GOSR2: variants seen among roughly 807,000 people sequenced by gnomAD.
GOSR2 encodes the protein 27 kDa Golgi SNARE protein.
In GOSR2, 20 loss-of-function variants were observed where a neutral mutation model predicts 27.9. The ratio of observed to expected loss-of-function variants is 0.72; its 90% CI spans 0.50 to 1.04. The LOEUF (loss-of-function observed/expected upper bound fraction) is 1.04. Ranked by LOEUF, GOSR2 falls within the 50% of genes least tolerant of loss-of-function variation. GOSR2 has a pLI of 0.00. For synonymous variants in GOSR2, 91 were observed against 98.8 expected (o/e 0.92, Z 0.47); for missense variants, 261 against 270.5 (o/e 0.97, Z 0.25).
chr17:46,956,163 G>C (rs1447691430), intron 6 of GOSR2, among the ~76,000 whole-genome samples: 2 of 151,570 alleles, frequency 1.3e-5, no homozygotes, highest in African/African-American at 4.9e-5. Flanking sequence ...CATAAAGCTA[G>C]TTCTGGATCA....
chr17:46,961,873 A>G (rs2147302515), intron 6 of GOSR2, among the ~76,000 whole-genome samples: 2 of 152,356 alleles, frequency 1.3e-5, no homozygotes, highest in South Asian at 4.1e-4. Context: ...ACACAGGAGA[A>G]ACAGAAACAT....
intron 6 of GOSR2, chr17:46,966,488 C>A: frequency 1.5e-6 from 1 of 669,074 alleles, no homozygotes; most frequent in Admixed American, 2.1e-5. Flanking sequence ...GTTGGAACTA[C>A]AGGTGCACCC....
At chr17:46,956,191 A>C (rs1489569830) in intron 6 of GOSR2, among the ~76,000 whole-genome samples, 1 of 151,970 alleles carries the variant, frequency 6.6e-6, no homozygotes, top group Non-Finnish European at 1.5e-5. Context: ...TTATTCAACA[A>C]CACTTGCAAG....
rs1024324721 is a variant in GOSR2 at position 46,924,416 on chromosome 17, A to G, written c.29+1195A>G. The G allele has an allele frequency of 3.3e-5, 5 of 152,258 alleles. No individual in the cohort carries two copies. In the East Asian group the frequency reaches 7.7e-4, roughly 23 times the overall value. 9.4% of individuals were successfully genotyped at this position (152,258 alleles called of 1,614,324 possible). A position where few individuals can be genotyped will look rare whatever the true frequency, so the allele number is the denominator to read the frequency against. On this transcript the variant is annotated intron_variant, in intron 1 of 5. Coordinates refer to ENST00000640051, the MANE Select transcript of GOSR2 (RefSeq NM_004287.5). ...TTGGGCTGTTGAGAATAATACTGCT[A>G]TGAACTCTGGTGTAGAAGTATCTGT...
intron 1 of GOSR2, chr17:46,923,795 C>T (rs554105629): frequency 2.5e-6 from 1 of 406,036 alleles, no homozygotes; most frequent in East Asian, 3.6e-5. Context: ...TTTAGTTTCT[C>T]ATAACTTAAA....
intron 4 of GOSR2, among the ~76,000 whole-genome samples, chr17:46,934,156 C>T (rs947491506): frequency 5.5e-5 from 8 of 145,960 alleles, no homozygotes; most frequent in African/African-American, 2.2e-4. Flanking sequence ...TACCCACATT[C>T]CCAGCTCCAC....
intron 6 of GOSR2, among the ~76,000 whole-genome samples, chr17:46,955,908 A>T (rs575696214): frequency 6.6e-6 from 1 of 152,182 alleles, no homozygotes; most frequent in East Asian, 1.9e-4. Flanking sequence ...CTGTGTCTCC[A>T]TCAGACTAGC....
intron 6 of GOSR2, among the ~76,000 whole-genome samples, chr17:46,953,435 T>C (rs896403275): frequency 1.3e-5 from 2 of 152,262 alleles, no homozygotes; most frequent in African/African-American, 4.8e-5. Flanking sequence ...ATTTTCCTAA[T>C]CCAGTCTATC....
At chr17:46,929,408 G>T in intron 1 of GOSR2, 112 bp from the exon 2 acceptor site, 1 of 727,512 alleles carries the variant, frequency 1.4e-6, no homozygotes. Flanking sequence ...ACAGTTCAGT[G>T]ATGCTGTCGA....
chr17:46,973,689 C>G (rs1282613215), intron 6 of GOSR2, among the ~76,000 whole-genome samples: 1 of 152,128 alleles, frequency 6.6e-6, no homozygotes, highest in African/African-American at 2.4e-5. Flanking sequence ...TCCTGGACAC[C>G]CCGTGTATCT....
chr17:46,938,570 GT>G (rs552913709), intron 5 of GOSR2, 28 bp from the exon 6 acceptor site: 9 of 1,578,600 alleles, frequency 5.7e-6, no homozygotes, highest in Admixed American at 5.1e-5. Flanking sequence ...CTTGATGTTT[GT>G]TTTTTTTTCT....
chr17:46,957,644 C>G (rs923408683), intron 6 of GOSR2, among the ~76,000 whole-genome samples: 1 of 152,054 alleles, frequency 6.6e-6, no homozygotes, highest in African/African-American at 2.4e-5. Flanking sequence ...AAACAAAACC[C>G]AGACAGCAGG....
At chr17:46,957,466 A>T (rs1395321206) in intron 6 of GOSR2, among the ~76,000 whole-genome samples, 5 of 152,098 alleles carry the variant, frequency 3.3e-5, no homozygotes, top group African/African-American at 1.2e-4. Flanking sequence ...TACAAAAACT[A>T]GCCAGGTGTG....
intron 6 of GOSR2, among the ~76,000 whole-genome samples, chr17:46,950,528 G>A (rs965780032): frequency 1.3e-5 from 2 of 152,224 alleles, no homozygotes; most frequent in African/African-American, 4.8e-5. Context: ...ATTGGAAATG[G>A]AAGGGTAATT....
chr17:46,925,610 A>G lies in GOSR2; in HGVS notation c.29+2389A>G, dbSNP rs567847410. 2.0e-5 allele frequency among the ~76,000 whole-genome samples: 3 copies of G among 152,342 alleles called. No homozygotes were observed. The East Asian group carries it at 5.8e-4, about 29-fold the overall frequency. ...TGATAACAGAACTGATGACTGAATGACTTTCACAAGAAACACGTGGAGTCC... is the reference window on the plus strand; with the variant it reads ...TGATAACAGAACTGATGACTGAATGGCTTTCACAAGAAACACGTGGAGTCC... On this transcript the variant is annotated intron_variant, in intron 1 of 5. Coordinates refer to ENST00000640051, the MANE Select transcript of GOSR2 (RefSeq NM_004287.5).
At chr17:46,927,302 G>C (rs1188008946) in intron 1 of GOSR2, among the ~76,000 whole-genome samples, 12 of 152,146 alleles carry the variant, frequency 7.9e-5, no homozygotes, top group Non-Finnish European at 1.6e-4. Context: ...ATCTGCTGCA[G>C]ATACCCTCCA....
chr17:46,950,425 G>A lies in GOSR2; in HGVS notation c.583+11721G>A, dbSNP rs146653985. Reference sequence around the variant, plus strand: ...GAGGGGGAGAAGATGAAGTTGCTAAGTGTATGATCAGTGCCAGAGCCAAAA... The same window carrying A: ...GAGGGGGAGAAGATGAAGTTGCTAAATGTATGATCAGTGCCAGAGCCAAAA... On this transcript the variant is annotated intron_variant, in intron 6 of 6. Coordinates refer to the GOSR2 transcript ENST00000573224. Among the ~76,000 whole-genome samples the A allele has an allele frequency of 6.4e-4, 97 of 152,340 alleles. No individual in the cohort carries two copies. In the East Asian group the frequency reaches 0.011, roughly 18 times the overall value.
At chr17:46,952,449 G>A (rs1362769834) in intron 6 of GOSR2, among the ~76,000 whole-genome samples, 1 of 152,186 alleles carries the variant, frequency 6.6e-6, no homozygotes, top group African/African-American at 2.4e-5. Flanking sequence ...CGCCACTTTT[G>A]TTGATCTAGC....
rs569751775 is a variant in GOSR2 at position 46,941,096 on chromosome 17, A to T, written c.*2336A>T. The T allele has an allele frequency of 1.2e-4, 121 of 1,041,792 alleles. 1 individual carries two copies. The African/African-American group carries it at 1.9e-3, about 17-fold the overall frequency. 64.5% of individuals were successfully genotyped at this position (1,041,792 alleles called of 1,614,324 possible). Reference sequence around the variant, plus strand: ...CCTTGTACATGAGTTTGGTGTGCCTATTGTGATTTAAAACAGGTGGGTTAT... The same window carrying T: ...CCTTGTACATGAGTTTGGTGTGCCTTTTGTGATTTAAAACAGGTGGGTTAT... On this transcript the variant is annotated 3_prime_UTR_variant, in exon 6 of 6. Coordinates refer to ENST00000640051, the MANE Select transcript of GOSR2 (RefSeq NM_004287.5).
Sources: gnomAD v4.1 joint callset for allele counts (sites outside exome capture counted in the v4.1 genomes callset) on GRCh38, gnomAD v4.1.1 for gene constraint, MANE v1.5 for transcripts, NCBI Gene and HGNC (gene_info 2026-07-23, HGNC 2026-07-21) for gene names.